ZBTB46: variants seen among roughly 807,000 people sequenced by gnomAD.
ZBTB46 encodes the protein zinc finger and BTB domain-containing protein 46.
ZBTB46 carries 8 observed loss-of-function variants against 44.1 expected under a neutral mutation model. The ratio of observed to expected loss-of-function variants is 0.18; its 90% CI spans 0.11 to 0.33. The LOEUF is 0.33. Ranked by LOEUF, ZBTB46 falls within the 10% of genes least tolerant of loss-of-function variation. The pLI is 1.00. For synonymous variants in ZBTB46, 409 were observed against 382.3 expected (o/e 1.07, Z -0.81); for missense variants, 651 against 847.7 (o/e 0.77, Z 2.88).
At chr20:63,830,576 T>C (rs1247471837) in intron 1 of ZBTB46, among the ~76,000 whole-genome samples, 1 of 149,906 alleles carries the variant, frequency 6.7e-6, no homozygotes, top group Non-Finnish European at 1.5e-5. Context: ...TTCCGACTCT[T>C]GGCAAACTCG....
chr20:63,802,695 G>A (rs1467420710), intron 1 of ZBTB46, among the ~76,000 whole-genome samples: 10 of 144,212 alleles, frequency 6.9e-5, no homozygotes, highest in African/African-American at 2.3e-4. Flanking sequence ...CGCCGCGGCC[G>A]ACGACCGAAC....
At chr20:63,762,804 T>A (rs2092288912) in intron 3 of ZBTB46, among the ~76,000 whole-genome samples, 1 of 152,246 alleles carries the variant, frequency 6.6e-6, no homozygotes, top group African/African-American at 2.4e-5. Context: ...ACTTTGATAT[T>A]AAGATTGCTA....
chr20:63,773,690 G>A (rs1400213654), intron 3 of ZBTB46, among the ~76,000 whole-genome samples: 5 of 151,678 alleles, frequency 3.3e-5, no homozygotes, highest in African/African-American at 4.8e-5. Context: ...GTGAAAAGGC[G>A]GTCGGAGGGG....
chr20:63,809,886 C>T (rs1348548061), intron 1 of ZBTB46, among the ~76,000 whole-genome samples: 1 of 150,712 alleles, frequency 6.6e-6, no homozygotes, highest in Non-Finnish European at 1.5e-5. Context: ...TCCCTTGAGT[C>T]GGGAGGTCGA....
intron 2 of ZBTB46, among the ~76,000 whole-genome samples, chr20:63,789,164 AC>A (rs1187659472): frequency 6.6e-6 from 1 of 151,960 alleles, no homozygotes; most frequent in East Asian, 1.9e-4. Context: ...GAGGAAACAA[AC>A]ATCGCCTGTT....
chr20:63,773,036 C>G lies in ZBTB46; in HGVS notation c.1222+2642G>C, dbSNP rs147416598. Among the ~76,000 whole-genome samples, 36 of 152,276 alleles carry G rather than the reference C, an allele frequency of 2.4e-4. 1 individual carries two copies. Among genetic ancestry groups the G allele is most frequent in the Middle Eastern group, 6.8e-3 (2 of 294 alleles). ...GGGTATGTGTTCCCCAAGGTCAGAC[C>G]TGGCACCACAGGGCCCACAGCTCGT... On this transcript the variant is annotated intron_variant, in intron 3 of 4. Transcript: ENST00000245663.
In ZBTB46 at chr20:63,746,838, T is replaced by G; in HGVS notation, c.*92A>C. The G allele has an allele frequency of 7.1e-7, 1 of 1,407,624 alleles. No individual in the cohort carries two copies. Among genetic ancestry groups the G allele is most frequent in the Non-Finnish European group, 9.2e-7 (1 of 1,082,650 alleles). 87.2% of individuals were successfully genotyped at this position (1,407,624 alleles called of 1,614,324 possible). A position where few individuals can be genotyped will look rare whatever the true frequency, so the allele number is the denominator to read the frequency against. On this transcript the variant is annotated 3_prime_UTR_variant, in exon 5 of 5. Coordinates refer to ENST00000245663, the MANE Select transcript of ZBTB46 (RefSeq NM_001369741.1). ...AGCAGAGGAGGGGCCGCGAGAGGGG[T>G]GAGCGTGGCCCTGGCCCCGCAGTGG...
chr20:63,765,857 AT>A (rs942689762), intron 3 of ZBTB46, among the ~76,000 whole-genome samples: 1 of 152,178 alleles, frequency 6.6e-6, no homozygotes, highest in African/African-American at 2.4e-5. Flanking sequence ...CCACGAGCAT[AT>A]TTTTTTAGGT....
chr20:63,781,948 G>A (rs548514633), intron 2 of ZBTB46, among the ~76,000 whole-genome samples: 2 of 151,986 alleles, frequency 1.3e-5, no homozygotes, highest in Admixed American at 1.3e-4. Context: ...TTAGCCAGGC[G>A]TGGTGGTGGG....
rs777987233 is a variant in ZBTB46, at chr20:63,745,482, C to G, written c.*1448G>C. On this transcript the variant is annotated 3_prime_UTR_variant, in exon 5 of 5. Coordinates refer to ENST00000245663, the MANE Select transcript of ZBTB46 (RefSeq NM_001369741.1). ...TCTACCTGACAATGTGGGGAAAAGC[C>G]TGGTATACAGGCTAGAAAAAGAGAG... 6.6e-6 allele frequency: 1 copy of G among 152,284 alleles called. No individual in the cohort carries two copies. Among genetic ancestry groups the G allele is most frequent in the Admixed American group, 6.5e-5 (1 of 15,286 alleles). The allele number at this position is 152,284 out of a possible 1,614,324, so 9.4% of individuals were successfully genotyped here.
chr20:63,828,477 G>C (rs1024086067), intron 1 of ZBTB46, among the ~76,000 whole-genome samples: 2 of 152,176 alleles, frequency 1.3e-5, no homozygotes, highest in South Asian at 4.1e-4. Context: ...TCCCCCAGGG[G>C]AGGGGACAGA....
chr20:63,766,783 G>C (rs919887222), intron 3 of ZBTB46, among the ~76,000 whole-genome samples: 2 of 152,204 alleles, frequency 1.3e-5, no homozygotes, highest in Admixed American at 1.3e-4. Flanking sequence ...GAGGAACCAG[G>C]GGAGGCTCCA....
chr20:63,769,150 C>T (rs1254484524), intron 3 of ZBTB46: 17 of 981,594 alleles, frequency 1.7e-5, no homozygotes, highest in Non-Finnish European at 2.1e-5. Context: ...TGCCCGGGCT[C>T]ATCTGGGCCG....
chr20:63,783,483 T>A (rs922881487), intron 2 of ZBTB46, among the ~76,000 whole-genome samples: 18 of 152,198 alleles, frequency 1.2e-4, no homozygotes, highest in South Asian at 8.3e-4. Context: ...AGAATTTTTT[T>A]AAAAATAAAA....
intron 3 of ZBTB46, chr20:63,769,279 T>C (rs1601424975): frequency 1.0e-6 from 1 of 985,418 alleles, no homozygotes; most frequent in Admixed American, 6.1e-5. Context: ...GCCGGCTCCC[T>C]GGGCTGGGTC....
chr20:63,757,512 G>A (rs140242057), intron 3 of ZBTB46, among the ~76,000 whole-genome samples: 2 of 152,140 alleles, frequency 1.3e-5, no homozygotes, highest in East Asian at 3.9e-4. Flanking sequence ...TTGCAGAGTG[G>A]GCTTTCTGGT....
At chr20:63,830,510 G>A (rs866369024) in intron 1 of ZBTB46, among the ~76,000 whole-genome samples, 60 of 150,572 alleles carry the variant, frequency 4.0e-4, no homozygotes, top group African/African-American at 1.4e-3. Flanking sequence ...CGTCCGGGGA[G>A]ACAATGACCC....
intron 1 of ZBTB46, among the ~76,000 whole-genome samples, chr20:63,813,866 C>T (rs1035953574): frequency 6.6e-6 from 1 of 152,180 alleles, no homozygotes; most frequent in Non-Finnish European, 1.5e-5. Flanking sequence ...GCGGGGTGCC[C>T]GGCTGCGTGT....
At chr20:63,796,302 G>A (rs1192581776) in intron 1 of ZBTB46, among the ~76,000 whole-genome samples, 2 of 152,202 alleles carry the variant, frequency 1.3e-5, no homozygotes, top group Non-Finnish European at 2.9e-5. Context: ...AGGGAGGGCG[G>A]GAGGCCTCGG....
Sources: gnomAD v4.1 joint callset for allele counts (sites outside exome capture counted in the v4.1 genomes callset) on GRCh38, gnomAD v4.1.1 for gene constraint, MANE v1.5 for transcripts, NCBI Gene and HGNC (gene_info 2026-07-23, HGNC 2026-07-21) for gene names.